The following TCF4 variants were observed in gnomAD, a reference collection of about 807,000 sequenced individuals.
TCF4 encodes SL3-3 enhancer factor 2.
A neutral mutation model predicts 82.1 loss-of-function variants in TCF4; 3 were observed. That is an observed-to-expected ratio of 0.04 (90% CI 0.02 to 0.09). The LOEUF (loss-of-function observed/expected upper bound fraction) is 0.09, where lower values mean the gene tolerates loss of function less well. TCF4 is among the 10% of genes least tolerant of loss of function. TCF4 has a pLI of 1.00. For synonymous variants in TCF4, 276 were observed against 309.6 expected (o/e 0.89, Z 1.14); for missense variants, 518 against 852.7 (o/e 0.61, Z 4.89).
rs1485704394 is a variant in TCF4, at chr18:55,330,068, T to A, written c.549+20291A>T. Among the ~76,000 whole-genome samples the A allele has an allele frequency of 2.0e-5, 3 of 152,238 alleles. No individual in the cohort carries two copies. The East Asian group carries it at 5.8e-4, about 29-fold the overall frequency. Reference sequence around the variant, plus strand: ...ACTTAGTACCATCATATAGTAACTGTGTTGTGTGCAAGGAAATGGTACAGA... The same window carrying A: ...ACTTAGTACCATCATATAGTAACTGAGTTGTGTGCAAGGAAATGGTACAGA... On this transcript the variant is annotated intron_variant, in intron 8 of 19. Coordinates refer to ENST00000354452, the MANE Select transcript of TCF4 (RefSeq NM_001083962.2).
intron 6 of TCF4, among the ~76,000 whole-genome samples, chr18:55,369,793 A>G (rs1277535464): frequency 6.6e-6 from 1 of 152,270 alleles, no homozygotes; most frequent in Non-Finnish European, 1.5e-5. Context: ...ATAAACGTCA[A>G]AATTCAGTAG....
chr18:55,462,790 T>C (rs1231941364), intron 4 of TCF4, among the ~76,000 whole-genome samples: 1 of 152,136 alleles, frequency 6.6e-6, no homozygotes, highest in African/African-American at 2.4e-5. Context: ...GACTGTAACA[T>C]GAGGAGGAGG....
intron 3 of TCF4, among the ~76,000 whole-genome samples, chr18:55,584,413 C>G (rs867382542): frequency 6.6e-6 from 1 of 152,010 alleles, no homozygotes; most frequent in Non-Finnish European, 1.5e-5. Flanking sequence ...ACTTAAGCCA[C>G]GGACTTAAAG....
At chr18:55,628,159 C>T (rs890913488) in intron 2 of TCF4, among the ~76,000 whole-genome samples, 3 of 152,158 alleles carry the variant, frequency 2.0e-5, no homozygotes. Flanking sequence ...GGCTTCAGGA[C>T]TTGGTGGTGA....
chr18:55,347,103 A>C (rs1002071892), intron 8 of TCF4, among the ~76,000 whole-genome samples: 7 of 152,208 alleles, frequency 4.6e-5, no homozygotes, highest in African/African-American at 1.4e-4. Flanking sequence ...AAATCTAGCA[A>C]AACAAGATGT....
intron 3 of TCF4, among the ~76,000 whole-genome samples, chr18:55,490,860 A>G (rs1008002234): frequency 6.6e-6 from 1 of 152,230 alleles, no homozygotes; most frequent in Non-Finnish European, 1.5e-5. Flanking sequence ...AGTGCGGTAT[A>G]GAAATGTTGA....
intron 3 of TCF4, among the ~76,000 whole-genome samples, chr18:55,502,230 G>A (rs2096709802): frequency 6.6e-6 from 1 of 152,152 alleles, no homozygotes; most frequent in South Asian, 2.1e-4. Context: ...CAGAGAAAAG[G>A]AGTAGGTGTT....
chr18:55,543,703 G>C (rs1568360392), intron 3 of TCF4, among the ~76,000 whole-genome samples: 1 of 152,130 alleles, frequency 6.6e-6, no homozygotes, highest in East Asian at 1.9e-4. Flanking sequence ...TTACAACCCA[G>C]AAACTAACTG....
intron 15 of TCF4, among the ~76,000 whole-genome samples, chr18:55,238,511 C>T (rs1321841468): frequency 1.3e-5 from 2 of 152,020 alleles, no homozygotes. Context: ...CATAATGATT[C>T]TTGGGGGGAT....
intron 12 of TCF4, among the ~76,000 whole-genome samples, chr18:55,260,812 G>A (rs1242523002): frequency 1.3e-5 from 2 of 151,980 alleles, no homozygotes; most frequent in Non-Finnish European, 2.9e-5. Context: ...CTCCCACCTC[G>A]GCCTCCCAAA....
At chr18:55,237,070 G>T (rs1032888947) in intron 15 of TCF4, among the ~76,000 whole-genome samples, 1 of 152,144 alleles carries the variant, frequency 6.6e-6, no homozygotes. Context: ...TCTCAAAAGA[G>T]AAAAAGAGAA....
chr18:55,574,666 T>G (rs965455732), intron 3 of TCF4, among the ~76,000 whole-genome samples: 4 of 152,234 alleles, frequency 2.6e-5, no homozygotes, highest in African/African-American at 9.6e-5. Context: ...AAGTACCTTC[T>G]TTGAATTACT....
At chr18:55,514,381 G>A (rs1443895363) in intron 3 of TCF4, among the ~76,000 whole-genome samples, 1 of 147,290 alleles carries the variant, frequency 6.8e-6, no homozygotes, top group East Asian at 2.0e-4. Flanking sequence ...GCACATCCAT[G>A]AGCATACACA....
At chr18:55,524,063 C>T (rs1309001077) in intron 3 of TCF4, among the ~76,000 whole-genome samples, 1 of 151,996 alleles carries the variant, frequency 6.6e-6, no homozygotes, top group Non-Finnish European at 1.5e-5. Context: ...TTAATATTTA[C>T]ATAGAAAAGG....
In TCF4 at chr18:55,484,484, A is replaced by G. The variant is rs572146257; in HGVS notation, c.146-20347T>C. The stretch of plus-strand genomic sequence containing the variant: ...AAGTAATCAAACCTATTAACAATTC[A>G]CCTATGAAGAAAAGTGCTGCTGTAA... On this transcript the variant is annotated intron_variant, in intron 3 of 19. Coordinates refer to ENST00000354452, the MANE Select transcript of TCF4 (RefSeq NM_001083962.2). 3.3e-5 allele frequency among the ~76,000 whole-genome samples: 5 copies of G among 152,352 alleles called. No individual in the cohort carries two copies. The South Asian group carries it at 1.0e-3, about 32-fold the overall frequency.
intron 3 of TCF4, among the ~76,000 whole-genome samples, chr18:55,475,134 T>C (rs1219905876): frequency 6.6e-6 from 1 of 152,166 alleles, no homozygotes; most frequent in African/African-American, 2.4e-5. Flanking sequence ...ATAGGGAACT[T>C]CCTCCCTCTC....
At chr18:55,262,064 T>A (rs1036710781) in intron 11 of TCF4, among the ~76,000 whole-genome samples, 2 of 152,212 alleles carry the variant, frequency 1.3e-5, no homozygotes, top group East Asian at 3.9e-4. Flanking sequence ...ATATTTTTAA[T>A]GTTTTAAATA....
chr18:55,245,498 A>C (rs1264224944), intron 15 of TCF4, among the ~76,000 whole-genome samples: 1 of 152,120 alleles, frequency 6.6e-6, no homozygotes, highest in Non-Finnish European at 1.5e-5. Context: ...CTTCCTGTGG[A>C]CTCTCATGTG....
At chr18:55,347,660 A>G in intron 8 of TCF4, among the ~76,000 whole-genome samples, 1 of 152,170 alleles carries the variant, frequency 6.6e-6, no homozygotes, top group East Asian at 1.9e-4. Context: ...ACCCAGCCTA[A>G]TGGCGGCAGA....
Sources: gnomAD v4.1 joint callset for allele counts (sites outside exome capture counted in the v4.1 genomes callset) on GRCh38, gnomAD v4.1.1 for gene constraint, MANE v1.5 for transcripts, NCBI Gene and HGNC (gene_info 2026-07-23, HGNC 2026-07-21) for gene names.